Variants in GPHN observed in about 807,000 individuals in gnomAD.
GPHN encodes gephyrin.
Under a neutral mutation model 95.5 loss-of-function variants are expected in GPHN, and 17 were observed. The ratio of observed to expected loss-of-function variants is 0.18; its 90% CI spans 0.12 to 0.27. The LOEUF (loss-of-function observed/expected upper bound fraction) is 0.27, where lower values mean the gene tolerates loss of function less well. Among genes scored for constraint, GPHN ranks in the 10% least tolerant of loss-of-function variants. The pLI is 1.00. For missense variants in GPHN, 660 were observed against 978.1 expected (o/e 0.67, Z 4.34); for synonymous variants, 320 against 322.5 (o/e 0.99, Z 0.08).
the GPHN span, chr14:67,360,570 G>C: frequency 5.3e-4 from 104 of 196,466 alleles, no homozygotes; most frequent in Non-Finnish European, 9.5e-4. Flanking sequence ...CCGTCCCTGC[G>C]CGGGAAGTGG....
intron 3 of GPHN, among the ~76,000 whole-genome samples, chr14:66,805,683 T>G (rs189192823): frequency 1.5e-3 from 233 of 152,270 alleles, no homozygotes; most frequent in Middle Eastern, 3.4e-3. Context: ...GTCAAATCTT[T>G]AAGCTGCAGA....
intron 8 of GPHN, among the ~76,000 whole-genome samples, chr14:66,928,397 T>C (rs766418557): frequency 6.6e-6 from 1 of 152,180 alleles, no homozygotes; most frequent in Non-Finnish European, 1.5e-5. Context: ...TCTGATTTTA[T>C]TTATTTGGGT....
chr14:67,660,018 TG>T, the GPHN span: 1 of 1,232,964 alleles, frequency 8.1e-7, no homozygotes, highest in Non-Finnish European at 1.1e-6. Context: ...CTTATTTATT[TG>T]GACTACACCA....
intron 8 of GPHN, among the ~76,000 whole-genome samples, chr14:66,944,305 T>C (rs1298315488): frequency 2.0e-5 from 3 of 152,042 alleles, no homozygotes; most frequent in African/African-American, 7.2e-5. Context: ...CACACAAATA[T>C]CAAACTGGAA....
At chr14:67,317,430 G>T in the GPHN span, 1 of 1,611,898 alleles carries the variant, frequency 6.2e-7, no homozygotes, top group Non-Finnish European at 8.5e-7. Context: ...GTGCAAAGAA[G>T]AATAAAAAGA....
At chr14:67,383,894 A>C in the GPHN span, 2 of 213,980 alleles carry the variant, frequency 9.3e-6, no homozygotes, top group African/African-American at 2.4e-5. Context: ...ACCAGTTAAA[A>C]GCATTTTAAT....
the GPHN span, among the ~76,000 whole-genome samples, chr14:67,396,988 G>C: frequency 3.3e-5 from 5 of 151,614 alleles, no homozygotes; most frequent in African/African-American, 1.2e-4. Flanking sequence ...ACCCAGGCTG[G>C]AGTGCAGTGG....
At chr14:67,460,204 A>T in the GPHN span, among the ~76,000 whole-genome samples, 2 of 152,182 alleles carry the variant, frequency 1.3e-5, no homozygotes, top group African/African-American at 4.8e-5. Flanking sequence ...GGATGGTTAT[A>T]ACAGGGTCAT....
chr14:67,239,319 T>A, the GPHN span, among the ~76,000 whole-genome samples: 2 of 152,192 alleles, frequency 1.3e-5, no homozygotes, highest in African/African-American at 4.8e-5. Context: ...TTCCTCCCCA[T>A]GACCTTTGGT....
intron 1 of GPHN, among the ~76,000 whole-genome samples, chr14:66,678,686 G>A (rs2066759513): frequency 6.6e-6 from 1 of 151,972 alleles, no homozygotes; most frequent in African/African-American, 2.4e-5. Context: ...TGTGTATATG[G>A]TTAGCAATTT....
At chr14:67,027,075 G>A (rs2073963276) in intron 10 of GPHN, among the ~76,000 whole-genome samples, 1 of 152,056 alleles carries the variant, frequency 6.6e-6, no homozygotes, top group African/African-American at 2.4e-5. Flanking sequence ...GTATATCCGT[G>A]GGTACTTATA....
chr14:66,697,583 A>T (rs963960627), intron 2 of GPHN, among the ~76,000 whole-genome samples: 3 of 151,120 alleles, frequency 2.0e-5, no homozygotes, highest in Non-Finnish European at 4.4e-5. Flanking sequence ...TATTGGATAG[A>T]TGGTGGATAT....
At chr14:66,937,204 A>G (rs2067173714) in intron 8 of GPHN, among the ~76,000 whole-genome samples, 1 of 151,992 alleles carries the variant, frequency 6.6e-6, no homozygotes, top group Non-Finnish European at 1.5e-5. Flanking sequence ...GGGTTTCATC[A>G]TGTTGCCCAG....
chr14:66,650,754 T>C (rs530521666), intron 1 of GPHN, among the ~76,000 whole-genome samples: 2 of 152,290 alleles, frequency 1.3e-5, no homozygotes, highest in African/African-American at 4.8e-5. Context: ...ACTATTCAAG[T>C]CTTTGAATGA....
chr14:67,178,032 C>T (rs1184978974), intron 21 of GPHN, among the ~76,000 whole-genome samples: 2 of 152,168 alleles, frequency 1.3e-5, no homozygotes, highest in Non-Finnish European at 2.9e-5. Flanking sequence ...CAGTCTGTAT[C>T]TTTTAATTGG....
chr14:67,676,651 T>G, the GPHN span: 2 of 152,086 alleles, frequency 1.3e-5, no homozygotes, highest in Non-Finnish European at 2.9e-5. Flanking sequence ...AAAGGTTAAG[T>G]AGGAAATGGT....
At chr14:67,493,404 G>A in the GPHN span, among the ~76,000 whole-genome samples, 2 of 152,144 alleles carry the variant, frequency 1.3e-5, 1 homozygote, top group South Asian at 4.1e-4. Flanking sequence ...TCCAACCCCA[G>A]CCAACACAGG....
chr14:67,034,632 G>A (rs2153632463), intron 10 of GPHN, among the ~76,000 whole-genome samples: 1 of 152,160 alleles, frequency 6.6e-6, no homozygotes, highest in Admixed American at 6.5e-5. Context: ...TCAAAAGAGA[G>A]CAGTGGTGGC....
chr14:66,557,759 C>A (rs2140242159), intron 1 of GPHN, among the ~76,000 whole-genome samples: 1 of 152,144 alleles, frequency 6.6e-6, no homozygotes, highest in East Asian at 1.9e-4. Context: ...AACAAGGCTG[C>A]CATCAGAAAT....
Sources: gnomAD v4.1 joint callset for allele counts (sites outside exome capture counted in the v4.1 genomes callset) on GRCh38, gnomAD v4.1.1 for gene constraint, MANE v1.5 for transcripts, NCBI Gene and HGNC (gene_info 2026-07-23, HGNC 2026-07-21) for gene names.